The following CEMIP variants were observed in gnomAD, a reference collection of about 807,000 sequenced individuals.
The protein encoded by CEMIP is cell migration-inducing and hyaluronan-binding protein.
In CEMIP, 105 loss-of-function variants were observed where a neutral mutation model predicts 156.9. The ratio of observed to expected loss-of-function variants is 0.67; its 90% CI spans 0.57 to 0.79. The LOEUF (loss-of-function observed/expected upper bound fraction) is 0.79, where lower values mean the gene tolerates loss of function less well. CEMIP is among the 30% of genes least tolerant of loss of function. The pLI is 0.00. For synonymous variants in CEMIP, 676 were observed against 668.4 expected (o/e 1.01, Z -0.17); for missense variants, 1,457 against 1,769.4 (o/e 0.82, Z 3.17).
intron 1 of CEMIP, among the ~76,000 whole-genome samples, chr15:80,867,662 G>C (rs1898166847): frequency 6.6e-6 from 1 of 152,200 alleles, no homozygotes; most frequent in African/African-American, 2.4e-5. Flanking sequence ...TGGCAGGAGG[G>C]AGCTCAGGGC....
chr15:80,902,505 T>G (rs144281570), intron 12 of CEMIP, among the ~76,000 whole-genome samples: 1 of 151,692 alleles, frequency 6.6e-6, no homozygotes, highest in African/African-American at 2.4e-5. Context: ...AGCCTGGGAG[T>G]GGCCAGTGAA....
chr15:80,877,336 C>T (rs993451402), intron 3 of CEMIP, among the ~76,000 whole-genome samples: 30 of 152,162 alleles, frequency 2.0e-4, no homozygotes, highest in African/African-American at 6.5e-4. Flanking sequence ...CTCCCTTCTG[C>T]AGGGCCTGAG....
rs371697508 is a variant in CEMIP, at chr15:80,873,714, G to A, written c.-17+18G>A. On this transcript the variant is annotated intron_variant, in intron 2 of 29. Coordinates refer to ENST00000394685, the MANE Select transcript of CEMIP (RefSeq NM_001293298.2). ...AGCCACTGGTGAGGACGCTGCACTG[G>A]AGTGTGGGCTGGCTGAGTGTGCCCA... 1 of 644,862 alleles carries A rather than the reference G, an allele frequency of 1.6e-6. No individual in the cohort carries two copies. The highest frequency in any genetic ancestry group is 2.8e-6 in the Non-Finnish European group (1 of 354,938). The allele number at this position is 644,862 out of a possible 1,614,324, so 39.9% of individuals were successfully genotyped here. A position where few individuals can be genotyped will look rare whatever the true frequency, so the allele number is the denominator to read the frequency against.
intron 3 of CEMIP, 30 bp from the exon 4 acceptor site, chr15:80,878,691 G>A (rs759746674): frequency 3.1e-6 from 5 of 1,613,808 alleles, no homozygotes; most frequent in Non-Finnish European, 4.2e-6. Flanking sequence ...CTGGTAGATG[G>A]GAGCAGTGAC....
intron 1 of CEMIP, among the ~76,000 whole-genome samples, chr15:80,840,550 C>G (rs541468193): frequency 6.6e-6 from 1 of 152,202 alleles, no homozygotes; most frequent in Non-Finnish European, 1.5e-5. Flanking sequence ...TCTGAAATGG[C>G]CTCTCCGGCT....
intron 1 of CEMIP, among the ~76,000 whole-genome samples, chr15:80,838,691 A>T (rs904882967): frequency 5.3e-5 from 8 of 152,156 alleles, no homozygotes; most frequent in African/African-American, 1.9e-4. Context: ...ACCTATCCCA[A>T]TGCCCTATAC....
intron 14 of CEMIP, among the ~76,000 whole-genome samples, chr15:80,917,963 G>A (rs188378959): frequency 2.0e-5 from 3 of 152,334 alleles, no homozygotes; most frequent in African/African-American, 7.2e-5. Context: ...GGGAGTTGGG[G>A]AGTAGGCGGC....
At chr15:80,903,168 G>A (rs1344247738) in intron 12 of CEMIP, 2 of 152,254 alleles carry the variant, frequency 1.3e-5, no homozygotes, top group Non-Finnish European at 2.9e-5. Flanking sequence ...GAAGCCTCTA[G>A]TCAGTGTCCT....
At position 80,900,666 on chromosome 15, in the gene CEMIP, G is replaced by GTGTGTGTC. The variant is rs1899484621; in HGVS notation, c.1411+4613_1411+4614insCTGTGTGT. On this transcript the variant is annotated intron_variant, in intron 12 of 29. Coordinates refer to ENST00000394685, the MANE Select transcript of CEMIP (RefSeq NM_001293298.2). ...TGTGTGTGTCTGTGTGTGTGTCTGT[G>GTGTGTGTC]TGTGTGTGTGTATTTTGTGTGTGTA... Among the ~76,000 whole-genome samples the GTGTGTGTC allele has an allele frequency of 8.3e-5, 12 of 144,176 alleles. No homozygotes were observed. The South Asian group carries it at 2.6e-3, about 31-fold the overall frequency. The allele number at this position is 144,176 out of a possible 152,430, so 94.6% of individuals were successfully genotyped here.
At chr15:80,824,132 AGACC>A (rs1254252744) in intron 1 of CEMIP, among the ~76,000 whole-genome samples, 1 of 152,206 alleles carries the variant, frequency 6.6e-6, no homozygotes, top group Non-Finnish European at 1.5e-5. Flanking sequence ...CAAGTGAGAA[AGACC>A]GTGAAGGCAC....
chr15:80,910,769 G>A (rs972660374), intron 14 of CEMIP, among the ~76,000 whole-genome samples: 2 of 152,182 alleles, frequency 1.3e-5, no homozygotes, highest in Admixed American at 6.5e-5. Context: ...TAGGGCTGTC[G>A]TGAGGATGAA....
At chr15:80,929,233 G>A in intron 21 of CEMIP, 59 bp downstream of exon 21, 1 of 1,604,022 alleles carries the variant, frequency 6.2e-7, no homozygotes, top group Non-Finnish European at 8.5e-7. Context: ...TGGCTGTGAT[G>A]GAAGGGAAAA....
At chr15:80,835,867 A>C (rs1421494631) in intron 1 of CEMIP, among the ~76,000 whole-genome samples, 1 of 152,158 alleles carries the variant, frequency 6.6e-6, no homozygotes, top group East Asian at 1.9e-4. Flanking sequence ...CCCCAACTTG[A>C]ACCATGGATT....
chr15:80,808,340 AC>A (rs1240648256), intron 1 of CEMIP, among the ~76,000 whole-genome samples: 26 of 152,280 alleles, frequency 1.7e-4, no homozygotes, highest in Middle Eastern at 3.4e-3. Context: ...GGTATTACAT[AC>A]AGCGCATCTG....
At chr15:80,783,535 G>A (rs1412419276) in intron 1 of CEMIP, among the ~76,000 whole-genome samples, 2 of 152,192 alleles carry the variant, frequency 1.3e-5, no homozygotes, top group Non-Finnish European at 2.9e-5. Context: ...GCTGGAAGTG[G>A]CAGTGGGTAC....
At position 80,906,968 on chromosome 15, in the gene CEMIP, C is replaced by T; in HGVS notation, c.1587+130C>T. ...GGTGGGATCAAGGGGAGGGCGCCTT[C>T]TGGAAGTTTGAGAAGTCTTATGTAT... is the stretch of plus-strand genomic sequence containing the variant. On this transcript the variant is annotated intron_variant, in intron 13 of 29. Coordinates refer to ENST00000394685, the MANE Select transcript of CEMIP (RefSeq NM_001293298.2). The surrounding 1 kb of genome is among the most constrained non-coding windows in gnomAD (Gnocchi z 4.3). 1 of 999,410 alleles carries T rather than the reference C, an allele frequency of 1.0e-6. No homozygotes were observed. The highest frequency in any genetic ancestry group is 1.5e-6 in the Non-Finnish European group (1 of 655,206). The allele number at this position is 999,410 out of a possible 1,614,324, so 61.9% of individuals were successfully genotyped here. A position where few individuals can be genotyped will look rare whatever the true frequency, so the allele number is the denominator to read the frequency against.
intron 1 of CEMIP, among the ~76,000 whole-genome samples, chr15:80,869,926 G>T (rs1258083436): frequency 5.3e-5 from 8 of 152,188 alleles, no homozygotes; most frequent in African/African-American, 9.7e-5. Flanking sequence ...AGATTTTCAG[G>T]TCCCATCTCC....
At position 80,949,128 on chromosome 15, in the gene CEMIP, G is replaced by A; in HGVS notation, c.*204G>A. 1 of 680,728 alleles carries A rather than the reference G, an allele frequency of 1.5e-6. No homozygotes were observed. The highest frequency in any genetic ancestry group is 2.6e-6 in the Non-Finnish European group (1 of 389,426). 42.2% of individuals were successfully genotyped at this position (680,728 alleles called of 1,614,324 possible). ...ACTCAAGTGTCTACCTGGAGCCCCTGGGGCGGTGCTGGCCAATGCTGGAAA... is the reference window on the plus strand; with the variant it reads ...ACTCAAGTGTCTACCTGGAGCCCCTAGGGCGGTGCTGGCCAATGCTGGAAA... On this transcript the variant is annotated 3_prime_UTR_variant, in exon 30 of 30. Coordinates refer to ENST00000394685, the MANE Select transcript of CEMIP (RefSeq NM_001293298.2).
intron 1 of CEMIP, among the ~76,000 whole-genome samples, chr15:80,856,073 T>C (rs1230548351): frequency 6.6e-6 from 1 of 152,238 alleles, no homozygotes; most frequent in Non-Finnish European, 1.5e-5. Context: ...AGTGAATCTA[T>C]GGAATGTTTC....
Sources: allele counts gnomAD v4.1 joint callset (sites outside exome capture counted in the v4.1 genomes callset), GRCh38; gene constraint gnomAD v4.1.1; non-coding constraint Gnocchi (gnomAD v3.1); transcripts MANE v1.5; gene names NCBI Gene and HGNC (gene_info 2026-07-23, HGNC 2026-07-21).